The following OR3A2 variants were observed in gnomAD, a reference collection of about 807,000 sequenced individuals.
OR3A2 encodes olfactory receptor family 3 subfamily A member 2, also known as olfactory receptor 3A2.
For missense variants in OR3A2, 318 were observed against 392.8 expected (o/e 0.81, Z 1.61); for synonymous variants, 126 against 159.3 (o/e 0.79, Z 1.57).
chr17:3,286,104 C>G (rs567881128), upstream of OR3A2, among the ~76,000 whole-genome samples: 1 of 152,192 alleles, frequency 6.6e-6, no homozygotes, highest in African/African-American at 2.4e-5. Context: ...TGTGGTCTTC[C>G]CGTCCCTGCG....
At chr17:3,338,446 G>T (rs566037595) in intron 2 of OR3A2, among the ~76,000 whole-genome samples, 4 of 152,130 alleles carry the variant, frequency 2.6e-5, no homozygotes, top group Admixed American at 2.6e-4. Flanking sequence ...ATTAATTTTT[G>T]TATAAAGTGT....
chr17:3,286,867 G>A (rs947372072), upstream of OR3A2, among the ~76,000 whole-genome samples: 1 of 152,160 alleles, frequency 6.6e-6, no homozygotes, highest in Admixed American at 6.5e-5. Context: ...CATTCCGTAG[G>A]TTGCCTGTTC....
intron 1 of OR3A2, among the ~76,000 whole-genome samples, chr17:3,280,502 G>C (rs2048770691): frequency 6.6e-6 from 1 of 152,150 alleles, no homozygotes; most frequent in Non-Finnish European, 1.5e-5. Flanking sequence ...TCGATCTCCT[G>C]ACCTGGTGAT....
chr17:3,341,609 T>G (rs893887722), intron 2 of OR3A2, among the ~76,000 whole-genome samples: 65 of 152,214 alleles, frequency 4.3e-4, no homozygotes, highest in African/African-American at 1.5e-3. Context: ...TCTTCTGGCT[T>G]GTAGAGTTTC....
chr17:3,334,122 T>G (rs925330019), intron 3 of OR3A2, among the ~76,000 whole-genome samples: 1 of 152,188 alleles, frequency 6.6e-6, no homozygotes, highest in Non-Finnish European at 1.5e-5. Context: ...CTGGCGAGGT[T>G]GCAGAGAAAA....
intron 3 of OR3A2, among the ~76,000 whole-genome samples, chr17:3,308,960 C>T (rs113914342): frequency 2.0e-5 from 3 of 152,000 alleles, no homozygotes. Context: ...GGCTAGAGTA[C>T]AGTGGCGCTG....
intron 1 of OR3A2, among the ~76,000 whole-genome samples, chr17:3,279,532 G>A (rs574231758): frequency 1.3e-5 from 2 of 152,322 alleles, no homozygotes; most frequent in Admixed American, 6.5e-5. Context: ...GGTGGCTCAC[G>A]CCTGTAATCC....
At chr17:3,323,856 G>C (rs934371261) in intron 3 of OR3A2, among the ~76,000 whole-genome samples, 6 of 151,980 alleles carry the variant, frequency 3.9e-5, no homozygotes, top group Non-Finnish European at 5.9e-5. Flanking sequence ...TCTTCTCGAG[G>C]AGTATCTTTG....
At chr17:3,293,647 A>G (rs1286821327) in intron 3 of OR3A2, among the ~76,000 whole-genome samples, 1 of 152,216 alleles carries the variant, frequency 6.6e-6, no homozygotes, top group African/African-American at 2.4e-5. Flanking sequence ...TCACTCCATC[A>G]AAGAATGTTG....
At chr17:3,279,549 T>G (rs904966793) in intron 1 of OR3A2, among the ~76,000 whole-genome samples, 1 of 152,152 alleles carries the variant, frequency 6.6e-6, no homozygotes, top group Non-Finnish European at 1.5e-5. Flanking sequence ...ATCCCAGCAG[T>G]TTGGGAGGCC....
At chr17:3,320,888 T>C (rs1202548539) in intron 3 of OR3A2, among the ~76,000 whole-genome samples, 1 of 152,002 alleles carries the variant, frequency 6.6e-6, no homozygotes, top group Non-Finnish European at 1.5e-5. Context: ...ATATGAACTT[T>C]AAAGTAGTTT....
At chr17:3,355,156 A>G (rs955282342) in intron 2 of OR3A2, among the ~76,000 whole-genome samples, 2 of 151,458 alleles carry the variant, frequency 1.3e-5, no homozygotes, top group African/African-American at 4.9e-5. Context: ...TTGTGGTCAG[A>G]GAAGATGCTT....
chr17:3,279,662 C>G (rs1180995081), intron 1 of OR3A2, among the ~76,000 whole-genome samples: 2 of 152,160 alleles, frequency 1.3e-5, no homozygotes, highest in Non-Finnish European at 2.9e-5. Flanking sequence ...GTGGGGGGCA[C>G]TTGTAATCCT....
chr17:3,375,913 TG>T (rs1008753289), intron 2 of OR3A2, among the ~76,000 whole-genome samples: 1 of 152,194 alleles, frequency 6.6e-6, no homozygotes, highest in African/African-American at 2.4e-5. Flanking sequence ...TCTGGGCTGG[TG>T]CTGGGGAATG....
intron 2 of OR3A2, among the ~76,000 whole-genome samples, chr17:3,372,591 G>A (rs1437667731): frequency 6.6e-6 from 1 of 152,226 alleles, no homozygotes; most frequent in East Asian, 1.9e-4. Context: ...GGAGGCCGAG[G>A]CTGGCGGATC....
exon 2 of OR3A2, chr17:3,277,956 G>C: frequency 6.3e-7 from 1 of 1,575,282 alleles, no homozygotes; most frequent in East Asian, 2.3e-5. Context: ...GGAAAGGAGG[G>C]ACCCCATTAC....
chr17:3,383,922 G>C (rs893917368), intron 1 of OR3A2: 3 of 146,178 alleles, frequency 2.1e-5, no homozygotes, highest in East Asian at 2.0e-4. Flanking sequence ...AATATTTATT[G>C]AATAAATATT....
intron 2 of OR3A2, among the ~76,000 whole-genome samples, chr17:3,348,149 G>A (rs230448): frequency 0.36 from 55,306 of 151,626 alleles, 10,795 homozygotes; most frequent in South Asian, 0.5. Context: ...ATATTAGCCC[G>A]TTGTCAGATG....
At chr17:3,297,342 C>T (rs1032122069) in intron 3 of OR3A2, among the ~76,000 whole-genome samples, 1 of 152,194 alleles carries the variant, frequency 6.6e-6, no homozygotes, top group African/African-American at 2.4e-5. Flanking sequence ...AACTACCTCT[C>T]ATTTGCCCTT....
Sources: gnomAD v4.1 joint callset for allele counts (sites outside exome capture counted in the v4.1 genomes callset) on GRCh38, gnomAD v4.1.1 for gene constraint, MANE v1.5 for transcripts, NCBI Gene and HGNC (gene_info 2026-07-23, HGNC 2026-07-21) for gene names.